The following HMGB1 variants were observed in gnomAD, a reference collection of about 807,000 sequenced individuals.
HMGB1 encodes high mobility group box 1.
For missense variants in HMGB1, 79 were observed against 253.5 expected (o/e 0.31, Z 4.67); for synonymous variants, 81 against 84.0 (o/e 0.96, Z 0.19).
chr13:30,539,683 G>T, intron 1 of HMGB1: 1 of 232,696 alleles, frequency 4.3e-6, no homozygotes, highest in South Asian at 7.9e-5. Context: ...GAATGAGGTG[G>T]AACATGTGTA....
rs753910292 is a variant in HMGB1, at chr13:30,523,750, TG to T, written c.-14-60057del. On this transcript the variant is annotated intron_variant, in intron 1 of 4. Coordinates refer to the HMGB1 transcript ENST00000405805. ...TTGTTTTTGTTGGGCCCTTTTTTTT[TG>T]TTTGTTTGAGATGGGGCCTCACTCT... Among the ~76,000 whole-genome samples the T allele has an allele frequency of 3.0e-3, 181 of 60,202 alleles. 1 individual carries two copies. The highest frequency in any genetic ancestry group is 4.1e-3 in the Admixed American group (20 of 4,876). 39.5% of individuals were successfully genotyped at this position (60,202 alleles called of 152,430 possible). A position where few individuals can be genotyped will look rare whatever the true frequency, so the allele number is the denominator to read the frequency against.
intron 1 of HMGB1, among the ~76,000 whole-genome samples, chr13:30,597,957 T>C (rs1042512473): frequency 6.6e-5 from 10 of 152,192 alleles, no homozygotes; most frequent in African/African-American, 2.4e-4. Context: ...AGGTGGGACA[T>C]CTTACACCAG....
At chr13:30,563,222 A>C (rs1870038290) in intron 1 of HMGB1, among the ~76,000 whole-genome samples, 2 of 152,226 alleles carry the variant, frequency 1.3e-5, no homozygotes, top group Non-Finnish European at 1.5e-5. Context: ...CTGTTCAAAC[A>C]ATGGGGTAAA....
intron 1 of HMGB1, among the ~76,000 whole-genome samples, chr13:30,495,093 A>C (rs1887580755): frequency 6.6e-6 from 1 of 152,174 alleles, no homozygotes; most frequent in Non-Finnish European, 1.5e-5. Context: ...CAATTGGGTC[A>C]TCCCTAATTC....
intron 1 of HMGB1, among the ~76,000 whole-genome samples, chr13:30,490,621 G>A (rs75902606): frequency 8.9e-4 from 120 of 134,988 alleles, no homozygotes; most frequent in Non-Finnish European, 1.0e-3. Flanking sequence ...TGTCTGAACA[G>A]AAAAAAAAAA....
chr13:30,485,707 C>T (rs989908009), intron 1 of HMGB1, among the ~76,000 whole-genome samples: 1 of 152,104 alleles, frequency 6.6e-6, no homozygotes, highest in Non-Finnish European at 1.5e-5. Flanking sequence ...GTAGGGTGAA[C>T]CTACAAGACT....
At chr13:30,561,066 C>T (rs1232107092) in intron 1 of HMGB1, among the ~76,000 whole-genome samples, 1 of 151,762 alleles carries the variant, frequency 6.6e-6, no homozygotes, top group Non-Finnish European at 1.5e-5. Flanking sequence ...GCCAGGTACC[C>T]CCTGGATTTA....
Position 30,529,028 on chromosome 13 carries a change from C to CAAAA in HMGB1, c.-14-65338_-14-65335dup, listed in dbSNP as rs59654057. Among the ~76,000 whole-genome samples the CAAAA allele has an allele frequency of 9.2e-4, 49 of 53,532 alleles. 1 individual carries two copies. Among genetic ancestry groups the CAAAA allele is most frequent in the African/African-American group, 2.3e-3 (33 of 14,292 alleles). 35.1% of individuals were successfully genotyped at this position (53,532 alleles called of 152,430 possible). A position where few individuals can be genotyped will look rare whatever the true frequency, so the allele number is the denominator to read the frequency against. On this transcript the variant is annotated intron_variant, in intron 1 of 4. Transcript: ENST00000405805. ...TGGGCGACAGGGCGAGACTGCGTCT[C>CAAAA]AAAAAAAAAAAAAAAAAAAAAAAAA...
At chr13:30,496,849 C>G (rs1887619100) in intron 1 of HMGB1, among the ~76,000 whole-genome samples, 1 of 152,130 alleles carries the variant, frequency 6.6e-6, no homozygotes, top group African/African-American at 2.4e-5. Context: ...CACAGACATT[C>G]CTTCCATCAG....
At chr13:30,471,991 A>C (rs8002584) in intron 1 of HMGB1, among the ~76,000 whole-genome samples, 8,323 of 150,066 alleles carry the variant, frequency 0.055, 742 homozygotes, top group African/African-American at 0.19. Flanking sequence ...TAAAACTTAA[A>C]AGGTGACCAG....
intron 1 of HMGB1, among the ~76,000 whole-genome samples, chr13:30,561,715 T>G (rs762277014): frequency 1.3e-5 from 2 of 151,998 alleles, no homozygotes; most frequent in Non-Finnish European, 2.9e-5. Context: ...AGAAAGGAAT[T>G]TGTGGCTAAG....
At chr13:30,589,301 G>A (rs1173352494) in intron 1 of HMGB1, among the ~76,000 whole-genome samples, 1 of 152,084 alleles carries the variant, frequency 6.6e-6, no homozygotes, top group South Asian at 2.1e-4. Context: ...CACCGCGCCC[G>A]GCCTATCATT....
At chr13:30,466,333 C>T (rs764263841), upstream of HMGB1, among the ~76,000 whole-genome samples, 12 of 151,656 alleles carry the variant, frequency 7.9e-5, no homozygotes, top group Non-Finnish European at 1.3e-4. Flanking sequence ...CGCCCAAAGC[C>T]GTTGAGATAA....
At chr13:30,498,268 C>T (rs1390422995) in intron 1 of HMGB1, among the ~76,000 whole-genome samples, 1 of 152,090 alleles carries the variant, frequency 6.6e-6, no homozygotes, top group East Asian at 1.9e-4. Context: ...TGTAGTGAGC[C>T]GAGATTGCAC....
intron 1 of HMGB1, among the ~76,000 whole-genome samples, chr13:30,512,806 C>T (rs2137465234): frequency 6.6e-6 from 1 of 152,298 alleles, no homozygotes; most frequent in Non-Finnish European, 1.5e-5. Context: ...TCTGTGTGGA[C>T]AGTCCATGCA....
chr13:30,478,871 C>CTTT (rs3042542), intron 1 of HMGB1, among the ~76,000 whole-genome samples: 6 of 126,136 alleles, frequency 4.8e-5, no homozygotes, highest in Non-Finnish European at 8.4e-5. Context: ...CTTTTCTTTT[C>CTTT]TTTTTTTTTT....
chr13:30,463,896 A>C, intron 1 of HMGB1: 2 of 497,214 alleles, frequency 4.0e-6, no homozygotes, highest in Admixed American at 7.7e-5. Context: ...CAAAACAAAA[A>C]CAGTCCTTCA....
chr13:30,498,719 C>T (rs1887668584), intron 1 of HMGB1, among the ~76,000 whole-genome samples: 1 of 151,080 alleles, frequency 6.6e-6, no homozygotes, highest in African/African-American at 2.4e-5. Context: ...ATGACCTGGG[C>T]TCACTGAAAC....
intron 1 of HMGB1, among the ~76,000 whole-genome samples, chr13:30,556,600 G>A (rs1404043804): frequency 1.3e-5 from 2 of 152,140 alleles, no homozygotes; most frequent in African/African-American, 4.8e-5. Context: ...AAATCCCATC[G>A]TTGATGGAAT....
Sources: gnomAD v4.1 joint callset for allele counts (sites outside exome capture counted in the v4.1 genomes callset) on GRCh38, gnomAD v4.1.1 for gene constraint, MANE v1.5 for transcripts, NCBI Gene and HGNC (gene_info 2026-07-23, HGNC 2026-07-21) for gene names.